The following METTL15 variants were observed in gnomAD, a reference collection of about 807,000 sequenced individuals.
The protein encoded by METTL15 is methyltransferase 15, mitochondrial 12S rRNA N4-cytidine, also known as 12S rRNA N(4)-cytidine methyltransferase METTL15.
In METTL15, 34 loss-of-function variants were observed where a neutral mutation model predicts 38.3. The observed-to-expected ratio is 0.89, with a 90% CI of 0.68 to 1.18. The LOEUF (loss-of-function observed/expected upper bound fraction) is 1.18. Ranked by LOEUF, METTL15 falls within the 50% of genes most tolerant of loss-of-function variation. METTL15 has a pLI of 0.00. For missense variants in METTL15, 438 were observed against 498.4 expected (o/e 0.88, Z 1.15); for synonymous variants, 162 against 170.9 (o/e 0.95, Z 0.41).
chr11:28,360,252 G>A (rs755662148), intron 4 of METTL15, among the ~76,000 whole-genome samples: 2 of 152,120 alleles, frequency 1.3e-5, no homozygotes, highest in Non-Finnish European at 2.9e-5. Context: ...TGTAAGATGG[G>A]CCTACCAGCC....
chr11:28,327,966 C>T (rs2134059351), intron 6 of METTL15: 1 of 883,228 alleles, frequency 1.1e-6, no homozygotes, highest in Non-Finnish European at 1.7e-6. Context: ...TGCAAAATAT[C>T]AAAGATAATG....
At chr11:28,499,732 G>A (rs1295363298) in intron 6 of METTL15, among the ~76,000 whole-genome samples, 1 of 152,096 alleles carries the variant, frequency 6.6e-6, no homozygotes, top group African/African-American at 2.4e-5. Flanking sequence ...GACACTGTTG[G>A]GCATTTCAGA....
intron 5 of METTL15, among the ~76,000 whole-genome samples, chr11:28,396,852 T>C (rs1464514522): frequency 1.3e-5 from 2 of 152,144 alleles, no homozygotes; most frequent in Admixed American, 1.3e-4. Flanking sequence ...ACTACAAGGC[T>C]ACAGTAACCA....
chr11:28,429,064 G>A (rs1231255444), intron 6 of METTL15, among the ~76,000 whole-genome samples: 1 of 152,012 alleles, frequency 6.6e-6, no homozygotes, highest in Non-Finnish European at 1.5e-5. Flanking sequence ...CTCCTACATG[G>A]TAACCAAGCT....
chr11:28,123,928 T>C, intron 3 of METTL15: 1 of 1,340,284 alleles, frequency 7.5e-7, no homozygotes, highest in Non-Finnish European at 1.0e-6. Context: ...TTGAGGCGAG[T>C]ATACACTGGG....
intron 5 of METTL15, among the ~76,000 whole-genome samples, chr11:28,394,452 T>C (rs1850547512): frequency 6.6e-6 from 1 of 152,104 alleles, no homozygotes; most frequent in Non-Finnish European, 1.5e-5. Context: ...CCTCTTTTTG[T>C]TATTTCACTC....
At chr11:28,165,705 G>T (rs1850634913) in intron 3 of METTL15, among the ~76,000 whole-genome samples, 1 of 120,008 alleles carries the variant, frequency 8.3e-6, no homozygotes, top group Non-Finnish European at 2.0e-5. Context: ...CTATGCTTCA[G>T]GGTTGTATAA....
intron 4 of METTL15, among the ~76,000 whole-genome samples, chr11:28,252,973 C>G (rs904743825): frequency 1.3e-5 from 2 of 152,164 alleles, no homozygotes; most frequent in Non-Finnish European, 2.9e-5. Flanking sequence ...CCCTCATTCA[C>G]TCTGCCTCTT....
chr11:28,308,586 T>C (rs892534978), intron 6 of METTL15, among the ~76,000 whole-genome samples: 20 of 152,228 alleles, frequency 1.3e-4, no homozygotes, highest in African/African-American at 4.1e-4. Context: ...AAATTAGCTA[T>C]AACTGATTAT....
chr11:28,220,944 G>T (rs1292291592), intron 4 of METTL15, among the ~76,000 whole-genome samples: 37 of 152,146 alleles, frequency 2.4e-4, no homozygotes, highest in Admixed American at 2.4e-3. Flanking sequence ...TTAGTCTGAT[G>T]GGCTTCCCTT....
chr11:28,137,470 G>A (rs1214173929), intron 3 of METTL15, among the ~76,000 whole-genome samples: 2 of 152,144 alleles, frequency 1.3e-5, no homozygotes, highest in South Asian at 2.1e-4. Context: ...TTTAATTTTA[G>A]TGTAAAGGCT....
chr11:28,294,796 A>T (rs1856669198), intron 5 of METTL15, among the ~76,000 whole-genome samples: 1 of 152,142 alleles, frequency 6.6e-6, no homozygotes, highest in African/African-American at 2.4e-5. Context: ...AGCACTATGG[A>T]AACTTCTATC....
intron 3 of METTL15, among the ~76,000 whole-genome samples, chr11:28,129,439 T>A (rs1852657556): frequency 6.6e-6 from 1 of 152,062 alleles, no homozygotes; most frequent in South Asian, 2.1e-4. Context: ...AGACGGAGTC[T>A]TGCTCTCTTG....
chr11:28,428,506 A>G (rs1179154014), intron 6 of METTL15, among the ~76,000 whole-genome samples: 1 of 152,216 alleles, frequency 6.6e-6, no homozygotes, highest in South Asian at 2.1e-4. Context: ...TGTGGTTATA[A>G]TTAAGTGTCT....
At chr11:28,289,280 G>A (rs1274868127) in intron 4 of METTL15, among the ~76,000 whole-genome samples, 1 of 151,994 alleles carries the variant, frequency 6.6e-6, no homozygotes, top group Non-Finnish European at 1.5e-5. Context: ...CTGACCCATA[G>A]CAAATATTCA....
chr11:28,372,570 A>G (rs1458177376), intron 5 of METTL15, among the ~76,000 whole-genome samples: 1 of 151,546 alleles, frequency 6.6e-6, no homozygotes, highest in African/African-American at 2.4e-5. Flanking sequence ...CTTAAAAATA[A>G]CAGTAATGTT....
chr11:28,516,619 G>T (rs1383048716), intron 6 of METTL15, among the ~76,000 whole-genome samples: 1 of 152,072 alleles, frequency 6.6e-6, no homozygotes, highest in Non-Finnish European at 1.5e-5. Context: ...ATGCCCTTGA[G>T]GAACATATGA....
intron 6 of METTL15, among the ~76,000 whole-genome samples, chr11:28,305,177 A>G (rs759803057): frequency 1.3e-5 from 2 of 152,200 alleles, no homozygotes; most frequent in Admixed American, 6.5e-5. Flanking sequence ...GACATTCTGT[A>G]CATGAACTCC....
At chr11:28,347,459 C>T (rs1850005782) in intron 3 of METTL15, among the ~76,000 whole-genome samples, 3 of 152,184 alleles carry the variant, frequency 2.0e-5, no homozygotes, top group Admixed American at 6.5e-5. Flanking sequence ...CCAGCTCCTA[C>T]GATATTTTCT....
Sources: allele counts gnomAD v4.1 joint callset (sites outside exome capture counted in the v4.1 genomes callset), GRCh38; gene constraint gnomAD v4.1.1; transcripts MANE v1.5; gene names NCBI Gene and HGNC (gene_info 2026-07-23, HGNC 2026-07-21).